Variants in CHSY3 observed in about 807,000 individuals in gnomAD.
The protein encoded by CHSY3 is chondroitin sulfate synthase 3, also known as N-acetylgalactosaminyl-proteoglycan 3-beta-glucuronosyltransferase 3.
CHSY3 carries 35 observed loss-of-function variants against 67.2 expected under a neutral mutation model. The observed-to-expected ratio is 0.52, with a 90% confidence interval of 0.40 to 0.69. The LOEUF (loss-of-function observed/expected upper bound fraction) is 0.69, where lower values mean the gene tolerates loss of function less well. CHSY3 is among the 30% of genes least tolerant of loss of function. The probability of loss-of-function intolerance (pLI) is 0.00; values close to 1 mark genes in which losing one functional copy is unlikely to be tolerated. For synonymous variants in CHSY3, 474 were observed against 434.7 expected, an observed-to-expected ratio of 1.09 and a Z score of -1.12; for missense variants, 1,069 against 1,138.5, an observed-to-expected ratio of 0.94 and a Z score of 0.88.
chr5:130,074,224 T>C (rs559108040), intron 2 of CHSY3, among the ~76,000 whole-genome samples: 1 of 151,960 alleles, frequency 6.6e-6, no homozygotes, highest in Non-Finnish European at 1.5e-5. Context: ...TTGCACGCCA[T>C]GACGCCTAGC....
At chr5:129,929,143 A>T (rs1761214231) in intron 2 of CHSY3, among the ~76,000 whole-genome samples, 2 of 152,206 alleles carry the variant, frequency 1.3e-5, no homozygotes, top group Non-Finnish European at 1.5e-5. Flanking sequence ...GAGGTAGGTG[A>T]CAAAGGTCAG....
At chr5:130,154,181 T>A (rs760550336) in intron 2 of CHSY3, among the ~76,000 whole-genome samples, 2 of 152,158 alleles carry the variant, frequency 1.3e-5, no homozygotes, top group Non-Finnish European at 1.5e-5. Context: ...CCTCCCAAAG[T>A]GCTGGGATTA....
At chr5:130,012,089 GA>G (rs1407029471) in intron 2 of CHSY3, among the ~76,000 whole-genome samples, 1 of 152,094 alleles carries the variant, frequency 6.6e-6, no homozygotes, top group Non-Finnish European at 1.5e-5. Context: ...CAAAGAAACA[GA>G]AAAAAATATT....
At chr5:130,092,299 A>G (rs1766907522) in intron 2 of CHSY3, among the ~76,000 whole-genome samples, 1 of 152,172 alleles carries the variant, frequency 6.6e-6, no homozygotes. Context: ...AGTTTTGGGG[A>G]CAAATCTTGA....
chr5:129,935,796 T>A (rs1761468485), intron 2 of CHSY3, among the ~76,000 whole-genome samples: 1 of 152,228 alleles, frequency 6.6e-6, no homozygotes, highest in Non-Finnish European at 1.5e-5. Flanking sequence ...AGTGTTGACT[T>A]GTATGGCTCA....
chr5:129,991,702 C>T (rs1002811156), intron 2 of CHSY3, among the ~76,000 whole-genome samples: 5 of 151,916 alleles, frequency 3.3e-5, no homozygotes, highest in Admixed American at 6.6e-5. Context: ...GCAGCATAGG[C>T]AATAGCTATC....
At position 130,083,141 on chromosome 5, in the gene CHSY3, C is replaced by T. The variant is rs923838904; in HGVS notation, c.1087-101088C>T. On this transcript the variant is annotated intron_variant, in intron 2 of 2. Coordinates refer to ENST00000305031, the MANE Select transcript of CHSY3 (RefSeq NM_175856.5). Reference sequence around the variant, plus strand: ...AATGCAGAGAAGAAACATACTTTTCCAAGACCTGAACTTTTTTTCTTTCCT... The same window carrying T: ...AATGCAGAGAAGAAACATACTTTTCTAAGACCTGAACTTTTTTTCTTTCCT... Among the ~76,000 whole-genome samples, 150 of 152,020 alleles carry T rather than the reference C, an allele frequency of 9.9e-4. 1 individual carries two copies. Among genetic ancestry groups the T allele is most frequent in the African/African-American group, 3.4e-3 (143 of 41,528 alleles).
chr5:130,165,932 G>A (rs912871325), intron 2 of CHSY3, among the ~76,000 whole-genome samples: 2 of 151,994 alleles, frequency 1.3e-5, no homozygotes, highest in Non-Finnish European at 2.9e-5. Flanking sequence ...TGGTATTCAC[G>A]TGAATATTTT....
intron 2 of CHSY3, among the ~76,000 whole-genome samples, chr5:130,039,565 C>T (rs990402843): frequency 7.7e-6 from 1 of 129,762 alleles, no homozygotes; most frequent in Non-Finnish European, 1.7e-5. Flanking sequence ...TTTGTATAAA[C>T]TTTTGTTGTT....
intron 2 of CHSY3, among the ~76,000 whole-genome samples, chr5:130,104,833 A>G (rs575923520): frequency 6.6e-6 from 1 of 151,976 alleles, no homozygotes; most frequent in South Asian, 2.1e-4. Context: ...TAAAAATATC[A>G]TGCAGTTTAT....
chr5:130,073,369 C>A (rs1485038230), intron 2 of CHSY3, among the ~76,000 whole-genome samples: 1 of 151,650 alleles, frequency 6.6e-6, no homozygotes, highest in East Asian at 1.9e-4. Flanking sequence ...CTCACTGCAA[C>A]CTCTGCCTCC....
chr5:130,014,420 G>C (rs911700122), intron 2 of CHSY3, among the ~76,000 whole-genome samples: 15 of 152,172 alleles, frequency 9.9e-5, no homozygotes, highest in Non-Finnish European at 5.9e-5. Flanking sequence ...CATGGCTAGG[G>C]AGACCTCAGT....
At chr5:130,020,008 C>T (rs574785450) in intron 2 of CHSY3, among the ~76,000 whole-genome samples, 74 of 152,260 alleles carry the variant, frequency 4.9e-4, no homozygotes, top group Admixed American at 7.2e-4. Flanking sequence ...AATATTAGAA[C>T]ATCTTACTTT....
intron 2 of CHSY3, among the ~76,000 whole-genome samples, chr5:130,076,635 A>G (rs1766263933): frequency 6.6e-6 from 1 of 151,996 alleles, no homozygotes; most frequent in East Asian, 1.9e-4. Flanking sequence ...AAAATATGTT[A>G]AGATACATAC....
chr5:130,064,356 A>G (rs1276629952), intron 2 of CHSY3, among the ~76,000 whole-genome samples: 3 of 152,150 alleles, frequency 2.0e-5, no homozygotes, highest in African/African-American at 2.4e-5. Context: ...TGAAGCTGAC[A>G]GAAGTTAAGG....
At chr5:130,077,797 G>T (rs1220765764) in intron 2 of CHSY3, among the ~76,000 whole-genome samples, 1 of 150,624 alleles carries the variant, frequency 6.6e-6, no homozygotes, top group Non-Finnish European at 1.5e-5. Context: ...ATATATATGT[G>T]TGTATATATA....
intron 2 of CHSY3, among the ~76,000 whole-genome samples, chr5:130,123,793 C>T (rs1011004439): frequency 2.0e-5 from 3 of 152,036 alleles, no homozygotes; most frequent in Non-Finnish European, 2.9e-5. Context: ...CGTAGTGGCT[C>T]ACCCCTATAA....
chr5:129,940,251 A>T (rs1028316158), intron 2 of CHSY3, among the ~76,000 whole-genome samples: 3 of 152,148 alleles, frequency 2.0e-5, no homozygotes, highest in Admixed American at 6.6e-5. Context: ...TTAAAAAAAA[A>T]CAACTGAATT....
chr5:130,166,015 G>T (rs1448042988), intron 2 of CHSY3, among the ~76,000 whole-genome samples: 1 of 152,042 alleles, frequency 6.6e-6, no homozygotes, highest in African/African-American at 2.4e-5. Flanking sequence ...TTAGTATTAG[G>T]AGCAATAGTA....
Sources: gnomAD v4.1 joint callset for allele counts (sites outside exome capture counted in the v4.1 genomes callset) on GRCh38, gnomAD v4.1.1 for gene constraint, MANE v1.5 for transcripts, NCBI Gene and HGNC (gene_info 2026-07-23, HGNC 2026-07-21) for gene names.